Variants in C1orf167 observed in about 807,000 individuals in gnomAD.
C1orf167 encodes the protein chromosome 1 open reading frame 167, also known as uncharacterized protein C1orf167.
Under a neutral mutation model 176.5 loss-of-function variants are expected in C1orf167, and 153 were observed. That is an observed-to-expected ratio of 0.87 (90% CI 0.76 to 0.99). C1orf167 has a LOEUF of 0.99. Ranked by LOEUF, C1orf167 falls within the 50% of genes least tolerant of loss-of-function variation. The pLI, the probability that C1orf167 is intolerant of heterozygous loss-of-function variation, is 0.00. For synonymous variants in C1orf167, 594 were observed against 752.7 expected (o/e 0.79, Z 3.45); for missense variants, 1,490 against 1,817.7 (o/e 0.82, Z 3.28).
At chr1:11,773,432 G>A (rs866335968) in intron 8 of C1orf167, among the ~76,000 whole-genome samples, 1 of 151,980 alleles carries the variant, frequency 6.6e-6, no homozygotes, top group Admixed American at 6.6e-5. Flanking sequence ...CACTGGCCGG[G>A]CGCGGTGGCT....
At chr1:11,764,242 C>A in intron 1 of C1orf167, 89 bp from the exon 2 acceptor site, 1 of 480,260 alleles carries the variant, frequency 2.1e-6, no homozygotes, top group Non-Finnish European at 3.7e-6. Context: ...AGGCCAAGAG[C>A]AGCTAGGAGT....
At position 11,766,303 on chromosome 1, in the gene C1orf167, G is replaced by A; in HGVS notation, c.517G>A (p.Ala173Thr). ...CTGCCTGAGGCAGTCCGGGCTGCCG[G>A]CCCCAGGCACCCCTAGCGGGGACTT... The part of the protein sequence containing the change: ...SSCLRQSGLP[A>T]PGTPSGDFRP... Residue 173 changes from alanine to threonine, a missense_variant, in exon 3 of 21, where the codon GCC becomes ACC. Ala to Thr is a moderately conservative substitution (Grantham distance 58). Transcript: ENST00000688073. The surrounding 1 kb of genome is among the most constrained non-coding windows in gnomAD (Gnocchi z 4.5). 1 of 1,289,308 alleles carries A rather than the reference G, an allele frequency of 7.8e-7. No homozygotes were observed. The highest frequency in any genetic ancestry group is 1.0e-6 in the Non-Finnish European group (1 of 988,674). The allele number at this position is 1,289,308 out of a possible 1,614,324, so 79.9% of individuals were successfully genotyped here.
chr1:11,775,443 G>A lies in C1orf167; in HGVS notation c.1997G>A (p.Gly666Glu). Residue 666 changes from glycine (G) to glutamate (E), a missense_variant, in exon 9 of 21, where the codon GGG (glycine) becomes GAG (glutamate). By Grantham distance (98) the Gly-to-Glu change is moderately conservative (BLOSUM62 -2). Transcript: ENST00000688073. ...TCCCTCTGTTCTCCCAGGTGCTTCGGGGCGTGGCAGCAGTTCGTGCAAAGA... is the reference window on the plus strand; with the variant it reads ...TCCCTCTGTTCTCCCAGGTGCTTCGAGGCGTGGCAGCAGTTCGTGCAAAGA... ...HQRAWLCRCFGAWQQFVQRGS... is the reference protein window; with the variant it reads ...HQRAWLCRCFEAWQQFVQRGS... The A allele has an allele frequency of 7.7e-7, 1 of 1,299,532 alleles. No individual in the cohort carries two copies. The highest frequency in any genetic ancestry group is 1.0e-6 in the Non-Finnish European group (1 of 986,560). The allele number at this position is 1,299,532 out of a possible 1,614,324, so 80.5% of individuals were successfully genotyped here. A position where few individuals can be genotyped will look rare whatever the true frequency, so the allele number is the denominator to read the frequency against.
intron 8 of C1orf167, among the ~76,000 whole-genome samples, chr1:11,774,257 A>AC (rs1301923221): frequency 6.6e-6 from 1 of 151,244 alleles, no homozygotes; most frequent in African/African-American, 2.4e-5. Flanking sequence ...CCATGATCGC[A>AC]CCACTGCACT....
intron 17 of C1orf167, 170 bp downstream of exon 17, chr1:11,787,663 C>T (rs1253948395): frequency 4.5e-6 from 4 of 883,302 alleles, no homozygotes; most frequent in Non-Finnish European, 6.0e-6. Flanking sequence ...TGAGAAAACA[C>T]TTTGCATTCC....
intron 4 of C1orf167, 37 bp downstream of exon 4, chr1:11,767,301 T>G: frequency 4.0e-6 from 5 of 1,235,110 alleles, no homozygotes; most frequent in Non-Finnish European, 5.3e-6. Flanking sequence ...GGGTTGGAGT[T>G]GGGGGACACG....
At chr1:11,774,983 A>G (rs568188635) in intron 8 of C1orf167, among the ~76,000 whole-genome samples, 83 of 152,316 alleles carry the variant, frequency 5.4e-4, no homozygotes, top group African/African-American at 1.9e-3. Flanking sequence ...CCCATTTTAC[A>G]GATGAGAAAA....
chr1:11,763,261 G>A (rs2100212468), intron 1 of C1orf167, among the ~76,000 whole-genome samples: 1 of 152,300 alleles, frequency 6.6e-6, no homozygotes, highest in Non-Finnish European at 1.5e-5. Context: ...CCATCATGGT[G>A]AAACCCTGTC....
At position 11,771,584 on chromosome 1, in the gene C1orf167, A is replaced by G; in HGVS notation, c.1758A>G (p.Arg586=). The change falls in exon 7 of 21, where the codon AGA becomes AGG. Residue 586 remains arginine (R), a synonymous_variant. Transcript: ENST00000688073. Reference sequence around the variant, plus strand: ...GGCTTCTGTCACATCCTAGGCAGAGAACAGACAGCAGACACGAGAGAGTCC... The same window carrying G: ...GGCTTCTGTCACATCCTAGGCAGAGGACAGACAGCAGACACGAGAGAGTCC... ...AQRLLSHPRQ[R]TDSRHERVQI... 7.8e-7 allele frequency: 1 copy of G among 1,289,798 alleles called. No homozygotes were observed. The highest frequency in any genetic ancestry group is 1.2e-5 in the South Asian group (1 of 81,032). 79.9% of individuals were successfully genotyped at this position (1,289,798 alleles called of 1,614,324 possible). A position where few individuals can be genotyped will look rare whatever the true frequency, so the allele number is the denominator to read the frequency against.
chr1:11,771,067 A>ATTTTTTT (rs1643047110), intron 6 of C1orf167, among the ~76,000 whole-genome samples: 1 of 64,300 alleles, frequency 1.6e-5, no homozygotes, highest in African/African-American at 6.7e-5. Context: ...ATATATATAT[A>ATTTTTTT]TATTTTTTTT....
At chr1:11,771,352 G>A (rs1333778267) in intron 6 of C1orf167, among the ~76,000 whole-genome samples, 172 bp from the exon 7 acceptor site, 1 of 152,014 alleles carries the variant, frequency 6.6e-6, no homozygotes, top group Non-Finnish European at 1.5e-5. Flanking sequence ...CCTCCCCCCA[G>A]CAATAGCTTT....
chr1:11,768,829 G>A lies in C1orf167; in HGVS notation c.1543-144G>A. 2.3e-6 allele frequency: 1 copy of A among 438,238 alleles called. No individual in the cohort carries two copies. Among genetic ancestry groups the A allele is most frequent in the Non-Finnish European group, 3.0e-6 (1 of 329,756 alleles). 27.1% of individuals were successfully genotyped at this position (438,238 alleles called of 1,614,324 possible). ...ATTCATTCCTTCATTCCCAAAGAAG[G>A]AATGAATAGGCAGAGTAATGGTTAA... On this transcript the variant is annotated intron_variant, in intron 5 of 20. Coordinates refer to ENST00000688073, the MANE Select transcript of C1orf167 (RefSeq NM_001010881.2). This position sits in a 1 kb window ranked among gnomAD's most constrained non-coding sequence, Gnocchi z 4.5.
At chr1:11,763,992 G>C (rs1376665559) in intron 1 of C1orf167, among the ~76,000 whole-genome samples, 1 of 152,212 alleles carries the variant, frequency 6.6e-6, no homozygotes, top group Non-Finnish European at 1.5e-5. Context: ...AGGACGGCTG[G>C]AGTTCAGTTT....
chr1:11,779,658 C>A, intron 12 of C1orf167, 144 bp from the exon 13 acceptor site: 1 of 565,220 alleles, frequency 1.8e-6, no homozygotes, highest in Non-Finnish European at 2.8e-6. Context: ...CAGTCCCCAG[C>A]AACCCACCCT....
intron 1 of C1orf167, among the ~76,000 whole-genome samples, 198 bp downstream of exon 1, chr1:11,762,503 G>A (rs1032159361): frequency 2.0e-5 from 3 of 152,188 alleles, no homozygotes; most frequent in Non-Finnish European, 4.4e-5. Context: ...GGTCTCCTGT[G>A]GATTGAGCGG....
chr1:11,781,257 C>G (rs1643589933), intron 13 of C1orf167, among the ~76,000 whole-genome samples: 1 of 152,038 alleles, frequency 6.6e-6, no homozygotes, highest in Non-Finnish European at 1.5e-5. Flanking sequence ...CTCGGCCTTC[C>G]AAAGTGCTGG....
chr1:11,770,931 A>C (rs1643023812), intron 6 of C1orf167, among the ~76,000 whole-genome samples: 1 of 148,496 alleles, frequency 6.7e-6, no homozygotes, highest in African/African-American at 2.5e-5. Context: ...CAGCCTCCCG[A>C]GTAGCTGGGA....
At chr1:11,780,809 G>A (rs1643560616) in intron 13 of C1orf167, among the ~76,000 whole-genome samples, 1 of 152,020 alleles carries the variant, frequency 6.6e-6, no homozygotes. Context: ...GAGAGAGGTT[G>A]AGGCGTGGGA....
rs558100195 is a variant in C1orf167 at position 11,788,170 on chromosome 1, G to A, written c.3870G>A (p.Leu1290=). Residue 1290 remains leucine, a synonymous_variant, in exon 19 of 21, where the codon CTG becomes CTA. Transcript: ENST00000688073. Reference sequence around the variant, plus strand: ...CCAGTGCTCGTTCCTGCAGGATCCTGGAAAAGCAGGCCCAGGCCCATGGCT... The same window carrying A: ...CCAGTGCTCGTTCCTGCAGGATCCTAGAAAAGCAGGCCCAGGCCCATGGCT... The part of the protein sequence containing the change: ...RRLRARSCRI[L]EKQAQAHGSA... 52 of 1,290,752 alleles carry A rather than the reference G, an allele frequency of 4.0e-5. No homozygotes were observed. In the African/African-American group the frequency reaches 7.1e-4, roughly 18 times the overall value. 80.0% of individuals were successfully genotyped at this position (1,290,752 alleles called of 1,614,324 possible).
Sources: allele counts gnomAD v4.1 joint callset (sites outside exome capture counted in the v4.1 genomes callset), GRCh38; gene constraint gnomAD v4.1.1; non-coding constraint Gnocchi (gnomAD v3.1); transcripts MANE v1.5; gene names NCBI Gene and HGNC (gene_info 2026-07-23, HGNC 2026-07-21).